SYT16: variants seen among roughly 807,000 people sequenced by gnomAD.
SYT16 encodes synaptotagmin-16.
SYT16 carries 42 observed loss-of-function variants against 61.4 expected under a neutral mutation model. The ratio of observed to expected loss-of-function variants is 0.68; its 90% CI spans 0.53 to 0.89. The LOEUF is 0.89. Among genes scored for constraint, SYT16 ranks in the 40% least tolerant of loss-of-function variants. The probability of loss-of-function intolerance (pLI) is 0.00; values close to 1 mark genes in which losing one functional copy is unlikely to be tolerated. For missense variants in SYT16, 804 were observed against 807.3 expected (o/e 1.00, Z 0.05); for synonymous variants, 314 against 302.3 (o/e 1.04, Z -0.40).
At chr14:61,823,908 T>G (rs2045694199) in intron 1 of SYT16, among the ~76,000 whole-genome samples, 1 of 152,208 alleles carries the variant, frequency 6.6e-6, no homozygotes, top group South Asian at 2.1e-4. Context: ...TTCTCAAGAG[T>G]TTGGTTAATG....
chr14:61,971,356 G>C (rs1344673319), intron 2 of SYT16, among the ~76,000 whole-genome samples: 2 of 111,164 alleles, frequency 1.8e-5, no homozygotes, highest in Non-Finnish European at 4.7e-5. Flanking sequence ...GCTGCAGTTA[G>C]AATGTCATCT....
At chr14:61,981,644 C>T (rs1303210674) in intron 2 of SYT16, among the ~76,000 whole-genome samples, 4 of 152,104 alleles carry the variant, frequency 2.6e-5, no homozygotes, top group Non-Finnish European at 5.9e-5. Context: ...TTTCTTGCAA[C>T]TTAGACACGG....
chr14:62,010,779 A>G (rs2053415843), intron 3 of SYT16, among the ~76,000 whole-genome samples: 1 of 152,124 alleles, frequency 6.6e-6, no homozygotes, highest in Admixed American at 6.6e-5. Flanking sequence ...ATCAAGCAGT[A>G]TCTTCTTAAG....
chr14:62,073,394 G>T (rs2056371049), intron 4 of SYT16, among the ~76,000 whole-genome samples: 1 of 152,180 alleles, frequency 6.6e-6, no homozygotes, highest in South Asian at 2.1e-4. Flanking sequence ...TGAGGAATGG[G>T]TGTGCTAATT....
intron 1 of SYT16, among the ~76,000 whole-genome samples, chr14:61,966,339 A>C (rs2051314653): frequency 6.6e-6 from 1 of 152,126 alleles, no homozygotes; most frequent in South Asian, 2.1e-4. Flanking sequence ...AAAAAAGTTA[A>C]GAAAAAATTA....
chr14:61,841,632 T>C (rs903850623), intron 1 of SYT16, among the ~76,000 whole-genome samples: 6 of 152,196 alleles, frequency 3.9e-5, no homozygotes, highest in Admixed American at 2.0e-4. Flanking sequence ...ATATTGGACA[T>C]TGTACTCAGC....
Position 62,075,098 on chromosome 14 carries a change from T to C in SYT16, c.737-37T>C, listed in dbSNP as rs1276412574. 1.1e-5 allele frequency: 17 copies of C among 1,562,080 alleles called. No individual in the cohort carries two copies. The African/African-American group carries it at 2.2e-4, about 20-fold the overall frequency. ...TCTCTAGGTAAAAAGGTGTTAAAAATAATGCATTTGAAATGGTTTTCTTAT... is the reference window on the plus strand; with the variant it reads ...TCTCTAGGTAAAAAGGTGTTAAAAACAATGCATTTGAAATGGTTTTCTTAT... On this transcript the variant is annotated intron_variant, in intron 4 of 7. Coordinates refer to ENST00000683842, the MANE Select transcript of SYT16 (RefSeq NM_001367656.1).
chr14:62,075,218 C>G lies in SYT16; in HGVS notation c.820C>G (p.Pro274Ala). The change falls in exon 5 of 8, where the codon CCA (proline) becomes GCA (alanine). Residue 274 changes from proline to alanine, a missense_variant. Physicochemically the swap from Pro to Ala is conservative, Grantham distance 27. Coordinates refer to ENST00000683842, the MANE Select transcript of SYT16 (RefSeq NM_001367656.1). ...DDHIPAHSQS[P>A]CERGDAKHHG... ...CCACATCCCTGCTCACTCACAGTCC[C>G]CATGTGAAAGAGGGGATGCCAAACA... 1 of 1,613,606 alleles carries G rather than the reference C, an allele frequency of 6.2e-7. No homozygotes were observed. The highest frequency in any genetic ancestry group is 8.5e-7 in the Non-Finnish European group (1 of 1,179,736).
intron 3 of SYT16, among the ~76,000 whole-genome samples, chr14:62,046,415 C>T (rs1490887064): frequency 6.6e-6 from 1 of 152,042 alleles, no homozygotes; most frequent in African/African-American, 2.4e-5. Flanking sequence ...CCTGTTCACT[C>T]TGATGGTAGT....
chr14:61,910,187 A>T (rs538471274), intron 1 of SYT16, among the ~76,000 whole-genome samples: 29 of 152,056 alleles, frequency 1.9e-4, no homozygotes, highest in Non-Finnish European at 3.7e-4. Flanking sequence ...TTCAAATATG[A>T]CATCATATTA....
At chr14:61,845,032 T>C (rs1262258792) in intron 1 of SYT16, among the ~76,000 whole-genome samples, 1 of 147,128 alleles carries the variant, frequency 6.8e-6, no homozygotes, top group Admixed American at 6.8e-5. Flanking sequence ...TTTTCTTTAC[T>C]AGAAGACTTT....
rs769237917 is a variant in SYT16 at position 62,100,454 on chromosome 14, C to T, written c.1685C>T (p.Thr562Met). 33 of 1,613,194 alleles carry T rather than the reference C, an allele frequency of 2.0e-5. No individual in the cohort carries two copies. The highest frequency in any genetic ancestry group is 2.4e-5 in the Non-Finnish European group (28 of 1,179,630). ...SVGQEMSRCK[T>M]SIRRGQPNPV... ...GGTCAAGAGATGTCCCGTTGCAAGACGTCCATTCGGCGTGGTCAGCCCAAT... is the reference window on the plus strand; with the variant it reads ...GGTCAAGAGATGTCCCGTTGCAAGATGTCCATTCGGCGTGGTCAGCCCAAT... Residue 562 changes from threonine to methionine, a missense_variant, in exon 8 of 8, where the codon ACG becomes ATG. Thr to Met is a moderately conservative substitution (Grantham distance 81). Transcript: ENST00000683842.
chr14:62,072,389 G>A (rs1423684590), intron 4 of SYT16, among the ~76,000 whole-genome samples: 2 of 152,124 alleles, frequency 1.3e-5, no homozygotes, highest in African/African-American at 4.8e-5. Flanking sequence ...GCAGGGGTGT[G>A]TGTGTGTGTG....
intron 3 of SYT16, among the ~76,000 whole-genome samples, chr14:62,064,334 GAAAAAAAA>G (rs781727444): frequency 1.2e-4 from 5 of 42,986 alleles, no homozygotes; most frequent in Non-Finnish European, 1.8e-4. Context: ...CTTTAAATTT[GAAAAAAAA>G]AAAAAAAAAA....
intron 1 of SYT16, among the ~76,000 whole-genome samples, chr14:61,935,663 T>C (rs570814444): frequency 6.6e-6 from 1 of 152,294 alleles, no homozygotes; most frequent in South Asian, 2.1e-4. Flanking sequence ...TCTGGGAAAG[T>C]GTTTGGCCTG....
chr14:61,993,558 C>T (rs898719011), intron 2 of SYT16, among the ~76,000 whole-genome samples: 2 of 151,792 alleles, frequency 1.3e-5, no homozygotes, highest in African/African-American at 4.8e-5. Context: ...AAAAGATGGC[C>T]GTGGGAGCTA....
At chr14:61,938,406 A>G (rs2050074672) in intron 1 of SYT16, among the ~76,000 whole-genome samples, 1 of 152,032 alleles carries the variant, frequency 6.6e-6, no homozygotes, top group Non-Finnish European at 1.5e-5. Flanking sequence ...TGGGAGTGCC[A>G]TACAGTTCAC....
chr14:62,042,466 G>C (rs941997348), intron 3 of SYT16, among the ~76,000 whole-genome samples: 3 of 152,160 alleles, frequency 2.0e-5, no homozygotes, highest in African/African-American at 7.2e-5. Context: ...CTAAAGCAAT[G>C]GTCTACCTGG....
intron 1 of SYT16, among the ~76,000 whole-genome samples, chr14:61,967,543 C>T (rs184067957): frequency 2.0e-5 from 3 of 152,284 alleles, no homozygotes; most frequent in East Asian, 1.9e-4. Flanking sequence ...GTCCACCCTT[C>T]GCAGTCCTTA....
Sources: allele counts gnomAD v4.1 joint callset (sites outside exome capture counted in the v4.1 genomes callset), GRCh38; gene constraint gnomAD v4.1.1; transcripts MANE v1.5; gene names NCBI Gene and HGNC (gene_info 2026-07-23, HGNC 2026-07-21).